BANK1: variants seen among roughly 807,000 people sequenced by gnomAD.
BANK1 encodes the protein B-cell scaffold protein with ankyrin repeats.
BANK1 carries 95 observed loss-of-function variants against 94.5 expected under a neutral mutation model. The observed-to-expected ratio is 1.00, with a 90% CI of 0.85 to 1.19. The LOEUF (loss-of-function observed/expected upper bound fraction) is 1.19, where lower values mean the gene tolerates loss of function less well. Among genes scored for constraint, BANK1 ranks in the 50% most tolerant of loss-of-function variants. The pLI is 0.00. For missense variants in BANK1, 987 were observed against 932.2 expected (o/e 1.06, Z -0.77); for synonymous variants, 334 against 308.4 (o/e 1.08, Z -0.87).
intron 7 of BANK1, among the ~76,000 whole-genome samples, chr4:101,947,655 T>C (rs1479301877): frequency 6.6e-6 from 1 of 151,858 alleles, no homozygotes; most frequent in African/African-American, 2.4e-5. Context: ...ATATAATCCA[T>C]AAGATTAAAT....
intron 7 of BANK1, among the ~76,000 whole-genome samples, chr4:101,990,149 T>C (rs557038327): frequency 9.8e-5 from 15 of 152,324 alleles, no homozygotes; most frequent in Admixed American, 2.0e-4. Flanking sequence ...TTAGAGAATA[T>C]TGGCATATAA....
chr4:101,880,316 T>TA (rs1050315208), intron 5 of BANK1, among the ~76,000 whole-genome samples: 5 of 151,046 alleles, frequency 3.3e-5, no homozygotes, highest in Non-Finnish European at 7.4e-5. Flanking sequence ...GAACAAGAAA[T>TA]AAAAAAAAGT....
intron 5 of BANK1, among the ~76,000 whole-genome samples, chr4:101,879,311 C>G (rs556832737): frequency 6.6e-6 from 1 of 152,138 alleles, no homozygotes; most frequent in South Asian, 2.1e-4. Context: ...TCGTTAGTGG[C>G]TACTGTGAGC....
intron 2 of BANK1, among the ~76,000 whole-genome samples, chr4:101,844,186 T>C (rs1438592575): frequency 2.6e-5 from 4 of 152,166 alleles, no homozygotes; most frequent in Non-Finnish European, 5.9e-5. Flanking sequence ...ATGTAAATAA[T>C]GTAATGCAGT....
chr4:101,992,162 T>A (rs1725730594), intron 7 of BANK1, among the ~76,000 whole-genome samples: 2 of 152,334 alleles, frequency 1.3e-5, no homozygotes, highest in South Asian at 4.1e-4. Context: ...ACTCTAATCA[T>A]GTGCTTTTCT....
chr4:101,915,540 T>C (rs980403869), intron 6 of BANK1, among the ~76,000 whole-genome samples: 2 of 152,088 alleles, frequency 1.3e-5, no homozygotes, highest in African/African-American at 4.8e-5. Context: ...TTGAGACAAT[T>C]AACAAGAGAA....
chr4:101,967,421 G>A (rs1724802874), intron 7 of BANK1, among the ~76,000 whole-genome samples: 1 of 151,988 alleles, frequency 6.6e-6, no homozygotes, highest in African/African-American at 2.4e-5. Context: ...ATGGGATGGT[G>A]TCTGTGTAGA....
At chr4:101,796,916 A>G (rs1417394730) in intron 1 of BANK1, among the ~76,000 whole-genome samples, 4 of 152,186 alleles carry the variant, frequency 2.6e-5, no homozygotes, top group African/African-American at 9.6e-5. Context: ...AAGATGAGAT[A>G]TAAAACTAGG....
intron 7 of BANK1, among the ~76,000 whole-genome samples, chr4:101,983,034 A>G (rs1454545405): frequency 6.6e-6 from 1 of 151,888 alleles, no homozygotes; most frequent in East Asian, 1.9e-4. Context: ...TTATGCTATC[A>G]TTTCCCAAGG....
In BANK1 at chr4:101,892,044, C is replaced by G. The variant is rs547157447; in HGVS notation, c.904-3261C>G. On this transcript the variant is annotated intron_variant, in intron 5 of 16. Transcript: ENST00000322953. ...TGTTTCTTTACAATCAATTTGCGAT[C>G]GTCCAGGTACTTCATATAAAAAGTG... Among the ~76,000 whole-genome samples, 619 of 151,796 alleles carry G rather than the reference C, an allele frequency of 4.1e-3. 4 individuals carry two copies. Among genetic ancestry groups the G allele is most frequent in the African/African-American group, 0.014 (595 of 41,476 alleles).
chr4:102,031,872 T>C (rs1727328531), intron 10 of BANK1, among the ~76,000 whole-genome samples: 1 of 152,202 alleles, frequency 6.6e-6, no homozygotes. Flanking sequence ...CAAGCACGTA[T>C]AAAGTATTTA....
intron 5 of BANK1, among the ~76,000 whole-genome samples, chr4:101,872,693 A>G (rs1728338232): frequency 1.3e-5 from 2 of 152,114 alleles, no homozygotes; most frequent in African/African-American, 4.8e-5. Context: ...ATATATATTT[A>G]ACAAATTTTG....
intron 7 of BANK1, among the ~76,000 whole-genome samples, chr4:101,985,249 GC>G (rs1198606795): frequency 6.6e-6 from 1 of 152,134 alleles, no homozygotes; most frequent in East Asian, 1.9e-4. Context: ...TTCTTGTTCA[GC>G]CTTTTATTCT....
At chr4:101,989,122 C>A (rs1421512252) in intron 7 of BANK1, among the ~76,000 whole-genome samples, 1 of 151,982 alleles carries the variant, frequency 6.6e-6, no homozygotes, top group Non-Finnish European at 1.5e-5. Flanking sequence ...CAGCCTGGGC[C>A]AACATAGCAA....
intron 7 of BANK1, among the ~76,000 whole-genome samples, chr4:101,958,793 G>A (rs1272809389): frequency 6.6e-6 from 1 of 152,184 alleles, no homozygotes; most frequent in African/African-American, 2.4e-5. Context: ...TGCAGCAAGT[G>A]CTGCTTTGCT....
At chr4:101,805,552 C>A (rs1364391392) in intron 1 of BANK1, among the ~76,000 whole-genome samples, 3 of 150,858 alleles carry the variant, frequency 2.0e-5, no homozygotes, top group Admixed American at 2.0e-4. Flanking sequence ...CATGAACAGC[C>A]TCAGATAAAT....
At chr4:102,034,179 G>A (rs1727420070) in intron 10 of BANK1, among the ~76,000 whole-genome samples, 1 of 152,128 alleles carries the variant, frequency 6.6e-6, no homozygotes, top group African/African-American at 2.4e-5. Context: ...TGTATTCAGG[G>A]TGTGTTAATA....
chr4:101,912,649 TA>T (rs1371874362), intron 6 of BANK1, among the ~76,000 whole-genome samples: 1 of 148,422 alleles, frequency 6.7e-6, no homozygotes, highest in Non-Finnish European at 1.5e-5. Context: ...TAAATAAATA[TA>T]AAATATAAAT....
At chr4:101,884,417 A>G (rs1728777553) in intron 5 of BANK1, among the ~76,000 whole-genome samples, 1 of 152,038 alleles carries the variant, frequency 6.6e-6, no homozygotes, top group South Asian at 2.1e-4. Context: ...CACTTCTGTG[A>G]TGCTTCCTTC....
Sources: allele counts gnomAD v4.1 joint callset (sites outside exome capture counted in the v4.1 genomes callset), GRCh38; gene constraint gnomAD v4.1.1; transcripts MANE v1.5; gene names NCBI Gene and HGNC (gene_info 2026-07-23, HGNC 2026-07-21).